Variants in CD81 observed in about 807,000 individuals in gnomAD.
The protein encoded by CD81 is CD81 molecule, also known as CD81 antigen.
In CD81, 10 loss-of-function variants were observed where a neutral mutation model predicts 30.1. The observed-to-expected ratio is 0.33, with a 90% confidence interval of 0.21 to 0.56. The LOEUF (loss-of-function observed/expected upper bound fraction) is 0.56, where lower values mean the gene tolerates loss of function less well. Among genes scored for constraint, CD81 ranks in the 20% least tolerant of loss-of-function variants. The probability of loss-of-function intolerance (pLI) is 0.89; values close to 1 mark genes in which losing one functional copy is unlikely to be tolerated. For synonymous variants in CD81, 147 were observed against 126.4 expected (o/e 1.16, Z -1.10); for missense variants, 263 against 308.7 (o/e 0.85, Z 1.11).
intron 1 of CD81, chr11:2,385,776 A>G (rs1207371989): frequency 1.7e-6 from 1 of 579,352 alleles, no homozygotes; most frequent in Admixed American, 2.2e-5. Flanking sequence ...TGTGCAAGCC[A>G]GCGACGGACC....
At chr11:2,389,648 G>T (rs534239183) in intron 1 of CD81, among the ~76,000 whole-genome samples, 1 of 152,244 alleles carries the variant, frequency 6.6e-6, no homozygotes, top group East Asian at 1.9e-4. Context: ...CAGCTGCTGA[G>T]CGACAGCGCT....
intron 1 of CD81, among the ~76,000 whole-genome samples, chr11:2,386,934 A>G (rs1849809501): frequency 6.6e-6 from 1 of 152,216 alleles, no homozygotes; most frequent in African/African-American, 2.4e-5. Context: ...GTCTAGGGGC[A>G]GCCTCCCCAT....
intron 1 of CD81, among the ~76,000 whole-genome samples, chr11:2,387,753 T>G (rs901811192): frequency 4.5e-4 from 68 of 152,188 alleles, no homozygotes; most frequent in Non-Finnish European, 7.9e-4. Context: ...CAGGTGTATG[T>G]TGGGCCCTTG....
chr11:2,379,455 A>G (rs1589844578), intron 1 of CD81, among the ~76,000 whole-genome samples: 1 of 28,448 alleles, frequency 3.5e-5, no homozygotes, highest in Non-Finnish European at 6.9e-5. Flanking sequence ...GTGGGGGTTG[A>G]GGGAGGGTGT....
At chr11:2,393,044 A>C (rs973855400) in intron 2 of CD81, 9 of 152,222 alleles carry the variant, frequency 5.9e-5, no homozygotes, top group African/African-American at 2.2e-4. Flanking sequence ...GCCAGGTAGG[A>C]GGCTGGGTGG....
At chr11:2,394,473 A>G (rs1849961453) in intron 3 of CD81, among the ~76,000 whole-genome samples, 1 of 152,232 alleles carries the variant, frequency 6.6e-6, no homozygotes, top group South Asian at 2.1e-4. Context: ...CGTCCCGGGC[A>G]CACCGCCCCC....
At chr11:2,395,766 G>C in intron 5 of CD81, 103 bp from the exon 6 acceptor site, 1 of 840,516 alleles carries the variant, frequency 1.2e-6, no homozygotes, top group Non-Finnish European at 2.0e-6. Context: ...GCATTCTGCA[G>C]TGGGGAGCGC....
chr11:2,389,481 GCTGGGCTGGGC>G (rs1260896484), intron 1 of CD81, among the ~76,000 whole-genome samples: 2 of 152,106 alleles, frequency 1.3e-5, no homozygotes, highest in East Asian at 3.9e-4. Flanking sequence ...ATCAGAGTGG[GCTGGGCTGGGC>G]CTGGTCTGGG....
chr11:2,384,279 T>G, intron 1 of CD81, among the ~76,000 whole-genome samples: 2 of 115,760 alleles, frequency 1.7e-5, no homozygotes, highest in African/African-American at 3.2e-5. Flanking sequence ...GAGCATCTTG[T>G]GGGGTGGGGC....
At chr11:2,383,850 T>G (rs1376565558) in intron 1 of CD81, among the ~76,000 whole-genome samples, 1 of 152,132 alleles carries the variant, frequency 6.6e-6, no homozygotes, top group Admixed American at 6.5e-5. Context: ...GGGTAAGGTA[T>G]GGGTGGGGCG....
intron 1 of CD81, among the ~76,000 whole-genome samples, chr11:2,388,360 C>T (rs575089243): frequency 6.6e-6 from 1 of 152,150 alleles, no homozygotes; most frequent in African/African-American, 2.4e-5. Context: ...ACCGGCCTGA[C>T]CGGGGGGTCC....
At position 2,390,217 on chromosome 11, in the gene CD81, G is replaced by C. The variant is rs961584873; in HGVS notation, c.67-195G>C. 6.1e-6 allele frequency: 4 copies of C among 654,730 alleles called. No individual in the cohort carries two copies. The African/African-American group carries it at 7.1e-5, about 12-fold the overall frequency. The allele number at this position is 654,730 out of a possible 1,614,324, so 40.6% of individuals were successfully genotyped here. On this transcript the variant is annotated intron_variant, in intron 1 of 7. Coordinates refer to ENST00000263645, the MANE Select transcript of CD81 (RefSeq NM_004356.4). ...CAGGGCCAGGCTCCAAGTAGATGGC[G>C]GCCAAAGCACCCGCCCCATGCTCCT...
Position 2,378,393 on chromosome 11 carries a change from A to G in CD81, c.66+778A>G, listed in dbSNP as rs1392550109. 6.6e-6 allele frequency among the ~76,000 whole-genome samples: 1 copy of G among 152,020 alleles called. No individual in the cohort carries two copies. Among genetic ancestry groups the G allele is most frequent in the Non-Finnish European group, 1.5e-5 (1 of 67,980 alleles). ...GGTTCTGAGTTGGCACAAGGAAGAGAGTGGCACCAGGGGCCTGGAGTGGAT... is the reference window on the plus strand; with the variant it reads ...GGTTCTGAGTTGGCACAAGGAAGAGGGTGGCACCAGGGGCCTGGAGTGGAT... On this transcript the variant is annotated intron_variant, in intron 1 of 7. Coordinates refer to ENST00000263645, the MANE Select transcript of CD81 (RefSeq NM_004356.4). The surrounding 1 kb of genome is among the most constrained non-coding windows in gnomAD (Gnocchi z 4.9).
At chr11:2,390,031 C>T (rs982217922) in intron 1 of CD81, 13 of 365,110 alleles carry the variant, frequency 3.6e-5, no homozygotes, top group African/African-American at 8.4e-5. Context: ...TCACCTTGAA[C>T]TTCAGATAAA....
chr11:2,395,731 G>T, intron 5 of CD81, 138 bp from the exon 6 acceptor site: 1 of 770,258 alleles, frequency 1.3e-6, no homozygotes, highest in Non-Finnish European at 2.2e-6. Flanking sequence ...GCGCAGCTGA[G>T]GAGGAAGAAG....
rs1219865741 is a variant in CD81, at chr11:2,377,326, C to CGCAACGGCG, written c.-221_-213dup. ...CGCGCGCCCGGCCAGAGAGCGAGCG[C>CGCAACGGCG]GCAACGGCGGCGACGGCGGCGACCC... On this transcript the variant is annotated 5_prime_UTR_variant, in exon 1 of 8. Coordinates refer to ENST00000263645, the MANE Select transcript of CD81 (RefSeq NM_004356.4). This position sits in a 1 kb window ranked among gnomAD's most constrained non-coding sequence, Gnocchi z 7.7. 224 of 150,748 alleles carry CGCAACGGCG rather than the reference C, an allele frequency of 1.5e-3. No individual in the cohort carries two copies. Among genetic ancestry groups the CGCAACGGCG allele is most frequent in the African/African-American group, 3.2e-3 (132 of 41,146 alleles). 9.3% of individuals were successfully genotyped at this position (150,748 alleles called of 1,614,324 possible). A position where few individuals can be genotyped will look rare whatever the true frequency, so the allele number is the denominator to read the frequency against.
intron 1 of CD81, among the ~76,000 whole-genome samples, chr11:2,383,476 C>T (rs1849736085): frequency 6.6e-6 from 1 of 152,188 alleles, no homozygotes; most frequent in Non-Finnish European, 1.5e-5. Context: ...TGGTGAGCCC[C>T]TCCCCTCCTT....
At chr11:2,395,259 GC>G in intron 4 of CD81, 156 bp from the exon 5 acceptor site, 1 of 739,148 alleles carries the variant, frequency 1.4e-6, no homozygotes, top group South Asian at 1.6e-5. Flanking sequence ...CACTCCCGGG[GC>G]AGCTGAGAGT....
At position 2,396,809 on chromosome 11, in the gene CD81, C is replaced by G. The variant is rs139978456; in HGVS notation, c.654C>G (p.Phe218Leu). ...CCCCCACCACCCTCCTGCAGATCTTCGAGATGATCCTGAGCATGGTGCTGT... is the reference window on the plus strand; with the variant it reads ...CCCCCACCACCCTCCTGCAGATCTTGGAGATGATCCTGAGCATGGTGCTGT... Reference protein sequence around the residue: ...AAIVVAVIMIFEMILSMVLCC... With the variant: ...AAIVVAVIMILEMILSMVLCC... The change falls in exon 8 of 8, where the codon TTC becomes TTG. Residue 218 changes from phenylalanine to leucine, a missense_variant. Physicochemically the swap from Phe to Leu is conservative, Grantham distance 22. Transcript: ENST00000263645. 1 of 1,612,774 alleles carries G rather than the reference C, an allele frequency of 6.2e-7. No individual in the cohort carries two copies. Among genetic ancestry groups the G allele is most frequent in the East Asian group, 2.2e-5 (1 of 44,886 alleles).
Sources: allele counts gnomAD v4.1 joint callset (sites outside exome capture counted in the v4.1 genomes callset), GRCh38; gene constraint gnomAD v4.1.1; non-coding constraint Gnocchi (gnomAD v3.1); transcripts MANE v1.5; gene names NCBI Gene and HGNC (gene_info 2026-07-23, HGNC 2026-07-21).